The following ABCB4 variants were observed in gnomAD, a reference collection of about 807,000 sequenced individuals.
ABCB4 encodes the protein ATP binding cassette subfamily B member 4, also known as phosphatidylcholine translocator ABCB4.
In ABCB4, 76 loss-of-function variants were observed where a neutral mutation model predicts 145.7. The ratio of observed to expected loss-of-function variants is 0.52; its 90% CI spans 0.43 to 0.63. ABCB4 has a LOEUF of 0.63. Ranked by LOEUF, ABCB4 falls within the 30% of genes least tolerant of loss-of-function variation. ABCB4 has a pLI of 0.00. For synonymous variants in ABCB4, 517 were observed against 566.8 expected, an observed-to-expected ratio of 0.91 and a Z score of 1.25; for missense variants, 1,234 against 1,553.1, an observed-to-expected ratio of 0.79 and a Z score of 3.45.
chr7:87,384,654 T>C, the ABCB4 span, among the ~76,000 whole-genome samples: 2 of 152,234 alleles, frequency 1.3e-5, no homozygotes, highest in Non-Finnish European at 2.9e-5. Flanking sequence ...AGTTTGCAGA[T>C]ATTTTCTCCC....
intron 21 of ABCB4, among the ~76,000 whole-genome samples, chr7:87,416,618 G>A (rs1362499908): frequency 6.6e-6 from 1 of 150,824 alleles, no homozygotes; most frequent in Non-Finnish European, 1.5e-5. Flanking sequence ...CACATATAAA[G>A]AGACCATATA....
At chr7:87,453,461 G>A (rs1347850580) in intron 5 of ABCB4, among the ~76,000 whole-genome samples, 1 of 152,104 alleles carries the variant, frequency 6.6e-6, no homozygotes, top group Non-Finnish European at 1.5e-5. Flanking sequence ...TGGGATTATA[G>A]CATGAGCCAC....
At chr7:87,459,184 A>G (rs1264751196) in intron 4 of ABCB4, among the ~76,000 whole-genome samples, 1 of 152,214 alleles carries the variant, frequency 6.6e-6, no homozygotes, top group Admixed American at 6.5e-5. Flanking sequence ...CATGTTAACT[A>G]TTTTTAAGTG....
chr7:87,462,365 A>C (rs1167687151), intron 4 of ABCB4, among the ~76,000 whole-genome samples: 2 of 152,222 alleles, frequency 1.3e-5, no homozygotes, highest in African/African-American at 4.8e-5. Flanking sequence ...AAACAGATCT[A>C]CAAGCTAAAC....
At chr7:87,467,660 G>A (rs951503547) in intron 3 of ABCB4, among the ~76,000 whole-genome samples, 18 of 152,174 alleles carry the variant, frequency 1.2e-4, no homozygotes, top group Admixed American at 6.5e-4. Context: ...GCACTCCTCA[G>A]CAAATGTAAA....
At chr7:87,416,078 G>A (rs1447503597) in intron 21 of ABCB4, among the ~76,000 whole-genome samples, 1 of 152,138 alleles carries the variant, frequency 6.6e-6, no homozygotes, top group African/African-American at 2.4e-5. Context: ...CCAAGTCCTG[G>A]GAACCACATA....
At chr7:87,456,777 A>G (rs1235851688) in intron 4 of ABCB4, among the ~76,000 whole-genome samples, 2 of 152,108 alleles carry the variant, frequency 1.3e-5, no homozygotes, top group Admixed American at 6.5e-5. Flanking sequence ...CAGAGTCTCA[A>G]GAATGGAAAT....
At chr7:87,373,393 C>T in the ABCB4 span, among the ~76,000 whole-genome samples, 1 of 151,996 alleles carries the variant, frequency 6.6e-6, no homozygotes, top group African/African-American at 2.4e-5. Flanking sequence ...TTCTTGATGG[C>T]CTCTTTTGAT....
intron 8 of ABCB4, among the ~76,000 whole-genome samples, chr7:87,448,941 C>T (rs561031666): frequency 2.0e-5 from 3 of 152,256 alleles, no homozygotes; most frequent in East Asian, 3.9e-4. Flanking sequence ...TGGAATCATA[C>T]TTCAACTACA....
downstream of ABCB4, among the ~76,000 whole-genome samples, chr7:87,401,349 T>C (rs1526088): frequency 7.7e-3 from 1,171 of 152,336 alleles, 18 homozygotes; most frequent in African/African-American, 0.026. Context: ...TATTTTTTGC[T>C]TTCCATCTAA....
intron 4 of ABCB4, among the ~76,000 whole-genome samples, chr7:87,461,761 A>C (rs2116890590): frequency 6.6e-6 from 1 of 152,304 alleles, no homozygotes; most frequent in South Asian, 2.1e-4. Context: ...TATTTATGTA[A>C]ACATATTCTG....
chr7:87,451,954 C>A, intron 6 of ABCB4, 160 bp from the exon 7 acceptor site: 1 of 699,762 alleles, frequency 1.4e-6, no homozygotes, highest in South Asian at 1.6e-5. Flanking sequence ...ACCTAAACAC[C>A]GCACAAAGGA....
At chr7:87,391,834 T>A in the ABCB4 span, 1 of 980,006 alleles carries the variant, frequency 1.0e-6, no homozygotes, top group Admixed American at 3.2e-5. Context: ...CTTTGAGACA[T>A]CTTTTCTGAG....
chr7:87,449,989 C>A lies in ABCB4; in HGVS notation c.812G>T (p.Gly271Val). The A allele has an allele frequency of 6.2e-7, 1 of 1,614,140 alleles. No individual in the cohort carries two copies. The highest frequency in any genetic ancestry group is 8.5e-7 in the Non-Finnish European group (1 of 1,179,996). ...TGACCTTTCCAGCTCTTTGTTCTGG[C>A]CCCCGAAAGCTATCACAGTCCTGAT... is the stretch of plus-strand genomic sequence containing the variant. The part of the protein sequence containing the change: ...GAIRTVIAFG[G>V]QNKELERYQK... Residue 271 changes from glycine (G) to valine (V), a missense_variant, in exon 8 of 28, where the codon GGC (glycine) becomes GTC (valine). Gly to Val is a moderately radical substitution (Grantham distance 109, BLOSUM62 -3). This residue lies in a region of ABCB4 where 467 missense variants were observed against 632.8 expected (regional missense o/e 0.74). Transcript: ENST00000649586.
chr7:87,442,600 T>C (rs553649150), intron 12 of ABCB4, among the ~76,000 whole-genome samples: 2 of 152,166 alleles, frequency 1.3e-5, no homozygotes, highest in African/African-American at 4.8e-5. Flanking sequence ...TTTAGGAATG[T>C]ATTCTGAAGT....
intron 14 of ABCB4, among the ~76,000 whole-genome samples, chr7:87,434,263 T>A (rs926496949): frequency 2.0e-5 from 3 of 151,880 alleles, no homozygotes; most frequent in Admixed American, 2.0e-4. Context: ...TCTTTTCCTG[T>A]TCTTCTATGA....
Position 87,454,449 on chromosome 7 carries a change from A to G in ABCB4, c.344+86T>C, listed in dbSNP as rs955640277. Reference sequence around the variant, plus strand: ...ATAGGTGAATCTGGGTAAAGAGTACACGTTATTTGTATATTCTTATAACTC... The same window carrying G: ...ATAGGTGAATCTGGGTAAAGAGTACGCGTTATTTGTATATTCTTATAACTC... On this transcript the variant is annotated intron_variant, in intron 5 of 27. Transcript: ENST00000649586. 4 of 1,089,668 alleles carry G rather than the reference A, an allele frequency of 3.7e-6. No homozygotes were observed. In the African/African-American group the frequency reaches 4.8e-5, roughly 13 times the overall value. The allele number at this position is 1,089,668 out of a possible 1,614,324, so 67.5% of individuals were successfully genotyped here. A position where few individuals can be genotyped will look rare whatever the true frequency, so the allele number is the denominator to read the frequency against.
chr7:87,405,379 TA>T (rs1808108630), intron 26 of ABCB4, among the ~76,000 whole-genome samples: 1 of 150,624 alleles, frequency 6.6e-6, no homozygotes, highest in African/African-American at 2.4e-5. Context: ...TGCATGGCTC[TA>T]AAAGGGCAAT....
At position 87,444,879 on chromosome 7, in the gene ABCB4, A is replaced by T; in HGVS notation, c.1102T>A (p.Phe368Ile). 3 of 1,608,478 alleles carry T rather than the reference A, an allele frequency of 1.9e-6. No individual in the cohort carries two copies. The highest frequency in any genetic ancestry group is 1.7e-6 in the Non-Finnish European group (2 of 1,178,658). ...TGACTTACATTATCAATAATATCAA[A>T]GATCACATATGCTGCTCCTCTTGCA... is the stretch of plus-strand genomic sequence containing the variant. ...ANARGAAYVI[F>I]DIIDNNPKID... The change falls in exon 10 of 28, where the codon TTT becomes ATT. Residue 368 changes from phenylalanine to isoleucine, a missense_variant. This residue lies in a region of ABCB4 where 467 missense variants were observed against 632.8 expected (regional missense o/e 0.74). Coordinates refer to ENST00000649586, the MANE Select transcript of ABCB4 (RefSeq NM_000443.4).
Sources: gnomAD v4.1 joint callset for allele counts (sites outside exome capture counted in the v4.1 genomes callset) on GRCh38, gnomAD v4.1.1 for gene constraint, gnomAD v4.1.1 regional missense constraint, MANE v1.5 for transcripts, NCBI Gene and HGNC (gene_info 2026-07-23, HGNC 2026-07-21) for gene names.